KCNK13: variants seen among roughly 807,000 people sequenced by gnomAD.
The protein encoded by KCNK13 is potassium channel subfamily K member 13.
In KCNK13, 12 loss-of-function variants were observed where a neutral mutation model predicts 23.4. The ratio of observed to expected loss-of-function variants is 0.51; its 90% CI spans 0.33 to 0.83. The LOEUF (loss-of-function observed/expected upper bound fraction) is 0.83, where lower values mean the gene tolerates loss of function less well. Ranked by LOEUF, KCNK13 falls within the 40% of genes least tolerant of loss-of-function variation. The probability of loss-of-function intolerance (pLI) is 0.02; values close to 1 mark genes in which losing one functional copy is unlikely to be tolerated. For synonymous variants in KCNK13, 231 were observed against 229.5 expected, an observed-to-expected ratio of 1.01 and a Z score of -0.06; for missense variants, 463 against 556.3, an observed-to-expected ratio of 0.83 and a Z score of 1.69.
At chr14:90,118,494 T>C (rs896281047) in intron 1 of KCNK13, among the ~76,000 whole-genome samples, 15 of 152,270 alleles carry the variant, frequency 9.9e-5, no homozygotes, top group African/African-American at 3.6e-4. Flanking sequence ...GTAGCATGAT[T>C]CAGTGCTTTA....
chr14:90,098,845 C>T (rs1004408470), intron 1 of KCNK13, among the ~76,000 whole-genome samples: 3 of 152,006 alleles, frequency 2.0e-5, no homozygotes, highest in Admixed American at 6.6e-5. Context: ...TTGGGGGGGC[C>T]GAGGCAGGTG....
chr14:90,169,897 G>A lies in KCNK13; in HGVS notation c.335-14214G>A, dbSNP rs145916925. Among the ~76,000 whole-genome samples, 963 of 152,272 alleles carry A rather than the reference G, an allele frequency of 6.3e-3. 7 individuals carry two copies. The highest frequency in any genetic ancestry group is 0.022 in the African/African-American group (929 of 41,544). ...TTTTAAGGAACAGCCTCCAACTGAG[G>A]GCAGGGGTAGGAGGAAGAGAGCATT... On this transcript the variant is annotated intron_variant, in intron 1 of 1. Coordinates refer to ENST00000282146, the MANE Select transcript of KCNK13 (RefSeq NM_022054.4).
chr14:90,104,901 T>A (rs1889525856), intron 1 of KCNK13, among the ~76,000 whole-genome samples: 1 of 150,380 alleles, frequency 6.6e-6, no homozygotes, highest in African/African-American at 2.5e-5. Context: ...GCAATCCTCC[T>A]GCCTCAGCAT....
intron 1 of KCNK13, among the ~76,000 whole-genome samples, chr14:90,088,841 TG>T (rs1889311639): frequency 6.6e-6 from 1 of 152,206 alleles, no homozygotes; most frequent in Non-Finnish European, 1.5e-5. Context: ...TGATAGAGAA[TG>T]AGTCTCATGA....
intron 1 of KCNK13, among the ~76,000 whole-genome samples, chr14:90,178,278 A>G (rs893491944): frequency 7.3e-6 from 1 of 137,532 alleles, no homozygotes; most frequent in African/African-American, 2.6e-5. Context: ...TGTGATTATT[A>G]TTATTTTTAT....
intron 1 of KCNK13, among the ~76,000 whole-genome samples, chr14:90,182,838 AAAG>A (rs957208337): frequency 9.2e-5 from 14 of 151,916 alleles, no homozygotes; most frequent in African/African-American, 2.9e-4. Context: ...AAAAAAAAAA[AAAG>A]AGAGAGGTTT....
intron 1 of KCNK13, among the ~76,000 whole-genome samples, chr14:90,088,578 C>T (rs1889308165): frequency 6.6e-6 from 1 of 152,140 alleles, no homozygotes; most frequent in Admixed American, 6.5e-5. Context: ...ATCAGATTTC[C>T]CAGTCGAAAT....
At chr14:90,162,752 A>G (rs1432141151) in intron 1 of KCNK13, among the ~76,000 whole-genome samples, 4 of 152,240 alleles carry the variant, frequency 2.6e-5, no homozygotes. Context: ...CCAAAAGCCA[A>G]GAGCCACAAT....
chr14:90,140,293 A>G (rs908855930), intron 1 of KCNK13, among the ~76,000 whole-genome samples: 3 of 152,140 alleles, frequency 2.0e-5, no homozygotes, highest in African/African-American at 4.8e-5. Context: ...TCACCTATAA[A>G]AGATGTAAGA....
chr14:90,116,266 C>T (rs953230424), intron 1 of KCNK13, among the ~76,000 whole-genome samples: 21 of 152,154 alleles, frequency 1.4e-4, no homozygotes, highest in African/African-American at 4.8e-4. Context: ...ATGTTTGAAG[C>T]CTGCCTTTAA....
chr14:90,113,046 T>C (rs566188856), intron 1 of KCNK13, among the ~76,000 whole-genome samples: 19 of 151,994 alleles, frequency 1.3e-4, no homozygotes, highest in Admixed American at 2.6e-4. Flanking sequence ...CCTGAGTAGC[T>C]GGGACCACAG....
chr14:90,093,308 C>T (rs1295728894), intron 1 of KCNK13, among the ~76,000 whole-genome samples: 2 of 152,210 alleles, frequency 1.3e-5, no homozygotes. Context: ...TTGAGCAGAA[C>T]GTTCCCCAAA....
intron 1 of KCNK13, among the ~76,000 whole-genome samples, chr14:90,164,760 T>C (rs1890284674): frequency 6.6e-6 from 1 of 152,224 alleles, no homozygotes; most frequent in Non-Finnish European, 1.5e-5. Flanking sequence ...CCATGCTTTA[T>C]TCTTGACACT....
At chr14:90,149,099 A>G (rs1371914114) in intron 1 of KCNK13, among the ~76,000 whole-genome samples, 1 of 152,178 alleles carries the variant, frequency 6.6e-6, no homozygotes, top group African/African-American at 2.4e-5. Flanking sequence ...GCTCACACCT[A>G]TAATCCCAGC....
intron 1 of KCNK13, among the ~76,000 whole-genome samples, chr14:90,146,107 G>A (rs974126952): frequency 4.6e-5 from 7 of 152,126 alleles, no homozygotes; most frequent in Non-Finnish European, 1.0e-4. Context: ...TCTACATACA[G>A]TTCTAGCAAT....
At chr14:90,117,415 C>G (rs1315489929) in intron 1 of KCNK13, among the ~76,000 whole-genome samples, 2 of 151,998 alleles carry the variant, frequency 1.3e-5, no homozygotes, top group African/African-American at 4.8e-5. Flanking sequence ...CGTGATGAAA[C>G]CCCGTCTCTA....
intron 1 of KCNK13, among the ~76,000 whole-genome samples, chr14:90,162,425 G>T (rs1890261951): frequency 1.3e-5 from 2 of 152,142 alleles, no homozygotes; most frequent in African/African-American, 4.8e-5. Flanking sequence ...AAAGGAAAAA[G>T]ATCATTGGAT....
intron 1 of KCNK13, among the ~76,000 whole-genome samples, chr14:90,152,593 G>A (rs1254928962): frequency 6.6e-6 from 1 of 151,970 alleles, no homozygotes; most frequent in Non-Finnish European, 1.5e-5. Flanking sequence ...TGATTGTGAG[G>A]CCTCTCCAGC....
chr14:90,084,409 A>G (rs948025421), intron 1 of KCNK13, among the ~76,000 whole-genome samples: 3 of 152,206 alleles, frequency 2.0e-5, no homozygotes, highest in African/African-American at 2.4e-5. Flanking sequence ...TGCAAATGAA[A>G]TGGTTTTCTT....
Sources: gnomAD v4.1 joint callset for allele counts (sites outside exome capture counted in the v4.1 genomes callset) on GRCh38, gnomAD v4.1.1 for gene constraint, MANE v1.5 for transcripts, NCBI Gene and HGNC (gene_info 2026-07-23, HGNC 2026-07-21) for gene names.